Variants in USP47 observed in about 807,000 individuals in gnomAD.
USP47 encodes ubiquitin specific peptidase 47.
Under a neutral mutation model 165.1 loss-of-function variants are expected in USP47, and 35 were observed. The observed-to-expected ratio is 0.21, with a 90% confidence interval of 0.16 to 0.28. The LOEUF (loss-of-function observed/expected upper bound fraction) is 0.28. Among genes scored for constraint, USP47 ranks in the 10% least tolerant of loss-of-function variants. The pLI is 1.00. For missense variants in USP47, 1,277 were observed against 1,607.4 expected (o/e 0.79, Z 3.52); for synonymous variants, 531 against 544.5 (o/e 0.98, Z 0.35).
intron 3 of USP47, among the ~76,000 whole-genome samples, chr11:11,889,486 G>A (rs528704165): frequency 6.6e-6 from 1 of 152,144 alleles, no homozygotes; most frequent in East Asian, 1.9e-4. Flanking sequence ...AAATACCCAG[G>A]AATACAGCTA....
chr11:11,862,038 T>G (rs1277701884), intron 1 of USP47, among the ~76,000 whole-genome samples: 1 of 151,728 alleles, frequency 6.6e-6, no homozygotes, highest in African/African-American at 2.4e-5. Flanking sequence ...TTTTTTTTTT[T>G]TAAGGAAAAC....
At chr11:11,945,544 T>A (rs1855764274) in intron 20 of USP47, among the ~76,000 whole-genome samples, 1 of 152,140 alleles carries the variant, frequency 6.6e-6, no homozygotes, top group Non-Finnish European at 1.5e-5. Flanking sequence ...TTATAGTTCA[T>A]AGGCACTTGG....
chr11:11,886,196 G>C (rs1040596973), intron 3 of USP47, among the ~76,000 whole-genome samples: 3 of 152,156 alleles, frequency 2.0e-5, no homozygotes, highest in African/African-American at 7.2e-5. Flanking sequence ...CTCTTCTCCA[G>C]ATGACCGCAG....
intron 19 of USP47, 76 bp from the exon 20 acceptor site, chr11:11,942,258 TG>T: frequency 3.5e-6 from 5 of 1,419,076 alleles, no homozygotes; most frequent in Non-Finnish European, 4.8e-6. Context: ...TGTGTTGTAT[TG>T]ATGCAATATA....
rs1373850654 is a variant in USP47, at chr11:11,958,080, T to C, written c.*1905T>C. ...GATACAGGCCTGCTTACTTGGGATG[T>C]AGGGTTAGTAAATGGGGTTTCTGCT... is the stretch of plus-strand genomic sequence containing the variant. On this transcript the variant is annotated 3_prime_UTR_variant, in exon 28 of 28. Transcript: ENST00000527733. The C allele has an allele frequency of 3.3e-5, 5 of 152,192 alleles. No homozygotes were observed. Among genetic ancestry groups the C allele is most frequent in the Admixed American group, 6.5e-5 (1 of 15,278 alleles). 9.4% of individuals were successfully genotyped at this position (152,192 alleles called of 1,614,324 possible). A position where few individuals can be genotyped will look rare whatever the true frequency, so the allele number is the denominator to read the frequency against.
At chr11:11,916,093 T>G (rs1234922437) in intron 8 of USP47, among the ~76,000 whole-genome samples, 1 of 152,216 alleles carries the variant, frequency 6.6e-6, no homozygotes, top group East Asian at 1.9e-4. Context: ...TGTTTTTGAT[T>G]GGAGAACTAA....
chr11:11,955,937 A>G, intron 27 of USP47, 64 bp from the exon 28 acceptor site: 1 of 1,285,942 alleles, frequency 7.8e-7, no homozygotes, highest in Non-Finnish European at 1.1e-6. Context: ...ATAGCATTCA[A>G]GCATACATTA....
chr11:11,846,371 G>A (rs1035695082), intron 1 of USP47, among the ~76,000 whole-genome samples: 1 of 152,068 alleles, frequency 6.6e-6, no homozygotes, highest in Non-Finnish European at 1.5e-5. Flanking sequence ...GTGTCTTATA[G>A]AATGATCAAG....
Position 11,960,302 on chromosome 11 carries a change from T to C in USP47, c.*4127T>C, listed in dbSNP as rs981169638. Among the ~76,000 whole-genome samples the C allele has an allele frequency of 9.2e-5, 14 of 152,056 alleles. No homozygotes were observed. The highest frequency in any genetic ancestry group is 1.9e-4 in the Non-Finnish European group (13 of 68,012). Reference sequence around the variant, plus strand: ...TTCTTAGCAATGAGGCTGGTAAGGTTACTGTCCCCTTGTGCCTGGTCACTA... The same window carrying C: ...TTCTTAGCAATGAGGCTGGTAAGGTCACTGTCCCCTTGTGCCTGGTCACTA... On this transcript the variant is annotated 3_prime_UTR_variant, in exon 28 of 28. Coordinates refer to ENST00000527733, the MANE Select transcript of USP47 (RefSeq NM_001282659.2).
chr11:11,879,799 T>C (rs946167815), intron 1 of USP47, among the ~76,000 whole-genome samples: 13 of 152,158 alleles, frequency 8.5e-5, no homozygotes, highest in African/African-American at 3.1e-4. Flanking sequence ...GATTTGACTG[T>C]GGCTAGCATG....
intron 3 of USP47, among the ~76,000 whole-genome samples, chr11:11,885,009 C>G (rs897598415): frequency 2.0e-5 from 3 of 152,166 alleles, no homozygotes; most frequent in Non-Finnish European, 4.4e-5. Flanking sequence ...CACTTCCTCC[C>G]CTAACCTGCC....
rs200605492 is a variant in USP47, at chr11:11,948,548, A to T, written c.3338A>T (p.Asn1113Ile). ...YRVKVYQLLV[N>I]EQEPCKFLLD... ...GTTAAAGTATACCAGCTTTTGGTCA[A>T]TGAACAAGAGGTAAGTAATACGTTT... The change falls in exon 22 of 28, where the codon AAT becomes ATT. Residue 1113 changes from asparagine to isoleucine, a missense_variant. Asn to Ile is a moderately radical substitution (Grantham distance 149). Around this residue, in one of 4 missense-constraint regions of USP47, gnomAD observed 909 missense variants for 1,068.1 expected, o/e 0.85. Transcript: ENST00000527733. 1 of 1,610,670 alleles carries T rather than the reference A, an allele frequency of 6.2e-7. No homozygotes were observed. The highest frequency in any genetic ancestry group is 8.5e-7 in the Non-Finnish European group (1 of 1,177,146).
At chr11:11,890,050 C>T (rs912637600) in intron 3 of USP47, among the ~76,000 whole-genome samples, 1 of 152,090 alleles carries the variant, frequency 6.6e-6, no homozygotes, top group Non-Finnish European at 1.5e-5. Context: ...CAAAAATTAA[C>T]TTAAGACAGA....
At chr11:11,932,937 G>A in intron 14 of USP47, 67 bp from the exon 15 acceptor site, 1 of 1,171,736 alleles carries the variant, frequency 8.5e-7, no homozygotes, top group Non-Finnish European at 1.3e-6. Flanking sequence ...AGAGCATAGT[G>A]AAGCAGGATG....
intron 8 of USP47, among the ~76,000 whole-genome samples, chr11:11,907,323 C>T (rs187121399): frequency 2.1e-3 from 315 of 152,212 alleles, no homozygotes; most frequent in Non-Finnish European, 3.2e-3. Flanking sequence ...AGTATGTGAG[C>T]AGGTTTATAA....
chr11:11,878,732 AACTT>A (rs948426312), intron 1 of USP47: 1 of 152,094 alleles, frequency 6.6e-6, no homozygotes, highest in African/African-American at 2.4e-5. Flanking sequence ...CTTTTATAGC[AACTT>A]ACTTTTGTTC....
intron 14 of USP47, 96 bp from the exon 15 acceptor site, chr11:11,932,908 A>G: frequency 2.4e-6 from 2 of 843,460 alleles, no homozygotes; most frequent in Non-Finnish European, 3.8e-6. Flanking sequence ...TGAGTGCTAC[A>G]GTAGAAGTAT....
At chr11:11,948,666 A>G (rs113013586) in intron 22 of USP47, 108 bp downstream of exon 22, 16 of 1,074,642 alleles carry the variant, frequency 1.5e-5, no homozygotes, top group African/African-American at 6.4e-5. Context: ...AAGGTCAGCA[A>G]ATTTTTTCTG....
At chr11:11,922,580 G>T in intron 10 of USP47, 144 bp from the exon 11 acceptor site, 1 of 592,246 alleles carries the variant, frequency 1.7e-6, no homozygotes, top group Non-Finnish European at 2.6e-6. Flanking sequence ...CAATTTTTAA[G>T]AGAAAATAAA....
Sources: gnomAD v4.1 joint callset for allele counts (sites outside exome capture counted in the v4.1 genomes callset) on GRCh38, gnomAD v4.1.1 for gene constraint, gnomAD v4.1.1 regional missense constraint, MANE v1.5 for transcripts, NCBI Gene and HGNC (gene_info 2026-07-23, HGNC 2026-07-21) for gene names.